The following UTRN variants were observed in gnomAD, a reference collection of about 807,000 sequenced individuals.
The protein encoded by UTRN is dystrophin-related protein 1.
Under a neutral mutation model 463.9 loss-of-function variants are expected in UTRN, and 283 were observed. The ratio of observed to expected loss-of-function variants is 0.61; its 90% CI spans 0.55 to 0.67. The LOEUF (loss-of-function observed/expected upper bound fraction) is 0.67, where lower values mean the gene tolerates loss of function less well. Ranked by LOEUF, UTRN falls within the 30% of genes least tolerant of loss-of-function variation. UTRN has a pLI of 0.00. For missense variants in UTRN, 3,922 were observed against 4,084.3 expected, an observed-to-expected ratio of 0.96 and a Z score of 1.08; for synonymous variants, 1,442 against 1,431.5, an observed-to-expected ratio of 1.01 and a Z score of -0.17.
At chr6:144,667,274 TCTGGAACTCCTGAC>T (rs1780516552) in intron 51 of UTRN, among the ~76,000 whole-genome samples, 1 of 152,116 alleles carries the variant, frequency 6.6e-6, no homozygotes, top group Non-Finnish European at 1.5e-5. Flanking sequence ...GCTAGGCTGA[TCTGGAACTCCTGAC>T]CTCAGGTGAC....
chr6:144,800,379 C>T (rs572656912), intron 64 of UTRN, among the ~76,000 whole-genome samples: 8 of 152,082 alleles, frequency 5.3e-5, no homozygotes, highest in African/African-American at 1.9e-4. Context: ...GGGTGAACAA[C>T]CTGAAGTGTT....
chr6:144,551,991 CT>C (rs922871252), intron 48 of UTRN, among the ~76,000 whole-genome samples: 55 of 152,152 alleles, frequency 3.6e-4, no homozygotes, highest in African/African-American at 9.4e-4. Context: ...CTTCTATGGC[CT>C]TTCCCCCCAT....
intron 2 of UTRN, among the ~76,000 whole-genome samples, chr6:144,371,027 GC>G (rs1779936196): frequency 6.6e-6 from 1 of 152,102 alleles, no homozygotes; most frequent in East Asian, 1.9e-4. Flanking sequence ...TCCCCACCTA[GC>G]ACTGTCCCCA....
chr6:144,639,818 G>A (rs532363586), intron 51 of UTRN, among the ~76,000 whole-genome samples: 1 of 152,252 alleles, frequency 6.6e-6, no homozygotes, highest in South Asian at 2.1e-4. Flanking sequence ...ATATGGAAGA[G>A]GGGCATTAAC....
intron 2 of UTRN, among the ~76,000 whole-genome samples, chr6:144,384,530 T>A (rs573123169): frequency 6.6e-6 from 1 of 152,234 alleles, no homozygotes; most frequent in East Asian, 1.9e-4. Flanking sequence ...CGGTTCCTTT[T>A]TGGTGCCAAA....
intron 2 of UTRN, among the ~76,000 whole-genome samples, chr6:144,312,457 G>A (rs1020030755): frequency 6.6e-6 from 1 of 150,534 alleles, no homozygotes; most frequent in Non-Finnish European, 1.5e-5. Context: ...GAACATAGAA[G>A]CACTCAAGAA....
In UTRN at chr6:144,493,178, G is replaced by A. The variant is rs959802654; in HGVS notation, c.4438-123G>A. On this transcript the variant is annotated intron_variant, in intron 32 of 74. Transcript: ENST00000367545. ...TCAGACCAAATCTGAGAAAGATGAT[G>A]GCCTTTGATCACCATAGTTAGGTCT... 29 of 794,296 alleles carry A rather than the reference G, an allele frequency of 3.7e-5. 1 individual carries two copies. In the South Asian group the frequency reaches 7.2e-4, roughly 20 times the overall value. The allele number at this position is 794,296 out of a possible 1,614,324, so 49.2% of individuals were successfully genotyped here. A position where few individuals can be genotyped will look rare whatever the true frequency, so the allele number is the denominator to read the frequency against.
At chr6:144,693,665 T>C (rs73591951) in intron 52 of UTRN, among the ~76,000 whole-genome samples, 143 of 152,254 alleles carry the variant, frequency 9.4e-4, no homozygotes, top group African/African-American at 3.1e-3. Context: ...GTGAATGGGA[T>C]TGTGTTCCTG....
intron 2 of UTRN, among the ~76,000 whole-genome samples, chr6:144,326,998 G>T (rs1347670082): frequency 2.0e-5 from 3 of 152,160 alleles, no homozygotes; most frequent in African/African-American, 7.2e-5. Flanking sequence ...CGTTGTTGAT[G>T]CTCGTCTGGT....
At chr6:144,735,857 G>A (rs1789331885) in intron 54 of UTRN, among the ~76,000 whole-genome samples, 1 of 151,910 alleles carries the variant, frequency 6.6e-6, no homozygotes, top group Non-Finnish European at 1.5e-5. Flanking sequence ...GTGTTGGTGA[G>A]GAAGTCATTT....
intron 52 of UTRN, among the ~76,000 whole-genome samples, chr6:144,678,881 A>G (rs571427206): frequency 3.6e-4 from 55 of 152,280 alleles, no homozygotes; most frequent in Middle Eastern, 3.4e-3. Context: ...TTGACTAAGT[A>G]CTTGTTAGGA....
At chr6:144,823,145 A>C (rs1779746722) in intron 66 of UTRN, among the ~76,000 whole-genome samples, 1 of 152,098 alleles carries the variant, frequency 6.6e-6, no homozygotes, top group Non-Finnish European at 1.5e-5. Context: ...CAATTCATTC[A>C]ATTGAAAATG....
At chr6:144,749,510 CTT>C (rs1342882497) in intron 55 of UTRN, among the ~76,000 whole-genome samples, 1 of 152,164 alleles carries the variant, frequency 6.6e-6, no homozygotes, top group East Asian at 1.9e-4. Context: ...GCCACATAGT[CTT>C]TTATTCTGTT....
chr6:144,746,617 C>T (rs1790775279), intron 54 of UTRN, among the ~76,000 whole-genome samples: 1 of 152,116 alleles, frequency 6.6e-6, no homozygotes, highest in Admixed American at 6.6e-5. Flanking sequence ...GCTGGGATTA[C>T]AGGCACCCAC....
At chr6:144,639,955 A>G (rs906496645) in intron 51 of UTRN, among the ~76,000 whole-genome samples, 1 of 152,198 alleles carries the variant, frequency 6.6e-6, no homozygotes, top group Non-Finnish European at 1.5e-5. Flanking sequence ...GAGGGAGGCT[A>G]TTCCCAGGAA....
At chr6:144,777,655 G>A (rs914255149) in intron 60 of UTRN, among the ~76,000 whole-genome samples, 1 of 152,130 alleles carries the variant, frequency 6.6e-6, no homozygotes, top group Non-Finnish European at 1.5e-5. Context: ...TATGTGATAG[G>A]TAATAGCAGA....
In UTRN at chr6:144,789,217, T is replaced by C. The variant is rs1394801632; in HGVS notation, c.8858T>C (p.Val2953Ala). 1.2e-6 allele frequency: 2 copies of C among 1,613,286 alleles called. No individual in the cohort carries two copies. Among genetic ancestry groups the C allele is most frequent in the Non-Finnish European group, 1.7e-6 (2 of 1,179,694 alleles). ...AGGGGTCGAACTGGAAAAATTAGAG[T>C]GCAGAGTCTGAAGATTGGATTAATG... The part of the protein sequence containing the change: ...YDTGRTGKIR[V>A]QSLKIGLMSL... Residue 2953 changes from valine to alanine, a missense_variant, in exon 62 of 75, where the codon GTG (valine) becomes GCG (alanine). By Grantham distance (64) the Val-to-Ala change is moderately conservative. Coordinates refer to ENST00000367545, the MANE Select transcript of UTRN (RefSeq NM_007124.3).
At chr6:144,791,835 GGCATA>G (rs1776783013) in intron 62 of UTRN, among the ~76,000 whole-genome samples, 2 of 152,070 alleles carry the variant, frequency 1.3e-5, no homozygotes, top group South Asian at 4.1e-4. Context: ...CTTTAATAGT[GGCATA>G]GTGGTATAGC....
intron 21 of UTRN, among the ~76,000 whole-genome samples, chr6:144,459,951 A>G (rs1789243856): frequency 6.6e-6 from 1 of 151,970 alleles, no homozygotes; most frequent in African/African-American, 2.4e-5. Flanking sequence ...AATACCAGGG[A>G]TAACAGGTGT....
Sources: allele counts gnomAD v4.1 joint callset (sites outside exome capture counted in the v4.1 genomes callset), GRCh38; gene constraint gnomAD v4.1.1; transcripts MANE v1.5; gene names NCBI Gene and HGNC (gene_info 2026-07-23, HGNC 2026-07-21).